The following NCOA6 variants were observed in gnomAD, a reference collection of about 807,000 sequenced individuals.
NCOA6 encodes nuclear receptor coactivator 6.
In NCOA6, 49 loss-of-function variants were observed where a neutral mutation model predicts 171.4. That is an observed-to-expected ratio of 0.29 (90% confidence interval 0.23 to 0.36). NCOA6 has a LOEUF of 0.36. NCOA6 is among the 10% of genes least tolerant of loss of function. NCOA6 has a pLI of 1.00. For synonymous variants in NCOA6, 910 were observed against 927.5 expected (o/e 0.98, Z 0.34); for missense variants, 2,248 against 2,554.5 (o/e 0.88, Z 2.59).
At chr20:34,762,786 C>T (rs1009967526) in intron 5 of NCOA6, among the ~76,000 whole-genome samples, 1 of 152,152 alleles carries the variant, frequency 6.6e-6, no homozygotes, top group Non-Finnish European at 1.5e-5. Flanking sequence ...TCCTGAAGTA[C>T]ATCCTTGAGC....
intron 13 of NCOA6, among the ~76,000 whole-genome samples, chr20:34,730,586 T>C (rs1036532909): frequency 6.6e-6 from 1 of 152,026 alleles, no homozygotes; most frequent in African/African-American, 2.4e-5. Flanking sequence ...ATTAGCCCAA[T>C]CCAAATAAAA....
rs77152835 is a variant in NCOA6, at chr20:34,743,688, T to C, written c.2915-347A>G. 5.4e-4 allele frequency among the ~76,000 whole-genome samples: 82 copies of C among 152,298 alleles called. 1 individual carries two copies. The East Asian group carries it at 0.015, about 28-fold the overall frequency. The stretch of plus-strand genomic sequence containing the variant: ...TTCAGATGAAATGAGAAAAACTCCA[T>C]CAACATCAAGTGCCTGGCCACCCAA... On this transcript the variant is annotated intron_variant, in intron 10 of 14. Coordinates refer to ENST00000359003, the MANE Select transcript of NCOA6 (RefSeq NM_014071.5).
At chr20:34,759,863 A>G (rs1270419086) in intron 5 of NCOA6, among the ~76,000 whole-genome samples, 2 of 152,140 alleles carry the variant, frequency 1.3e-5, no homozygotes, top group Non-Finnish European at 2.9e-5. Flanking sequence ...ATATTGGTAA[A>G]CTGCTCTCAA....
At chr20:34,728,851 A>G (rs984904314) in intron 13 of NCOA6, among the ~76,000 whole-genome samples, 2 of 152,248 alleles carry the variant, frequency 1.3e-5, no homozygotes, top group Non-Finnish European at 2.9e-5. Flanking sequence ...AAACTTACCA[A>G]CACAATGAAC....
chr20:34,819,161 T>A (rs1380949632), intron 1 of NCOA6: 1 of 152,170 alleles, frequency 6.6e-6, no homozygotes, highest in Admixed American at 6.5e-5. Flanking sequence ...TCCCAATATG[T>A]CATTTACTGG....
At chr20:34,739,555 A>G (rs2076065346) in intron 11 of NCOA6, among the ~76,000 whole-genome samples, 1 of 152,216 alleles carries the variant, frequency 6.6e-6, no homozygotes, top group East Asian at 1.9e-4. Flanking sequence ...GAATGGGGCT[A>G]TGAGGACCCA....
At chr20:34,796,812 C>T (rs1454022419) in intron 1 of NCOA6, among the ~76,000 whole-genome samples, 2 of 149,656 alleles carry the variant, frequency 1.3e-5, no homozygotes, top group Non-Finnish European at 3.0e-5. Flanking sequence ...AAGCTAGCAT[C>T]CCGTCTCAAA....
At chr20:34,809,933 A>T (rs1040816133) in intron 1 of NCOA6, among the ~76,000 whole-genome samples, 1 of 152,116 alleles carries the variant, frequency 6.6e-6, no homozygotes, top group Non-Finnish European at 1.5e-5. Flanking sequence ...GCACCACTGC[A>T]CTCCAGCCTG....
At chr20:34,747,622 T>C (rs925911390) in intron 9 of NCOA6, among the ~76,000 whole-genome samples, 5 of 152,222 alleles carry the variant, frequency 3.3e-5, no homozygotes, top group Admixed American at 6.5e-5. Context: ...TCAGTACTAA[T>C]TGTACTTTTC....
At chr20:34,807,498 A>C (rs1041724233) in intron 1 of NCOA6, among the ~76,000 whole-genome samples, 2 of 152,188 alleles carry the variant, frequency 1.3e-5, no homozygotes, top group African/African-American at 4.8e-5. Context: ...CCCTACATGG[A>C]AATCCTGCTG....
At chr20:34,783,573 C>T (rs2077573965) in intron 2 of NCOA6, among the ~76,000 whole-genome samples, 1 of 152,162 alleles carries the variant, frequency 6.6e-6, no homozygotes, top group Non-Finnish European at 1.5e-5. Context: ...AAGAACCTCC[C>T]ACAAATGTTC....
intron 5 of NCOA6, among the ~76,000 whole-genome samples, chr20:34,765,251 G>C (rs575827806): frequency 6.6e-6 from 1 of 151,552 alleles, no homozygotes; most frequent in African/African-American, 2.4e-5. Flanking sequence ...AGGAGATCGA[G>C]ACCATCCTGG....
chr20:34,812,202 G>A (rs1382549011), intron 1 of NCOA6, among the ~76,000 whole-genome samples: 1 of 151,708 alleles, frequency 6.6e-6, no homozygotes, highest in Admixed American at 6.6e-5. Context: ...GCAGTGAGCT[G>A]AGATTGCGCC....
At chr20:34,727,542 A>G in intron 13 of NCOA6, 135 bp from the exon 14 acceptor site, 3 of 911,032 alleles carry the variant, frequency 3.3e-6, no homozygotes, top group Non-Finnish European at 4.9e-6. Flanking sequence ...AAGCAGTTCA[A>G]CCTGGGGTAA....
At chr20:34,738,155 G>A (rs931579476) in intron 11 of NCOA6, among the ~76,000 whole-genome samples, 9 of 152,010 alleles carry the variant, frequency 5.9e-5, no homozygotes, top group Admixed American at 5.2e-4. Flanking sequence ...CACCAGCCTC[G>A]GCCTCTCAAC....
At chr20:34,733,335 A>G (rs1490494521) in intron 12 of NCOA6, among the ~76,000 whole-genome samples, 1 of 152,184 alleles carries the variant, frequency 6.6e-6, no homozygotes, top group Admixed American at 6.5e-5. Flanking sequence ...GGCCTCCCAC[A>G]GCCCTATTCC....
chr20:34,781,625 A>G lies in NCOA6; in HGVS notation c.235+496T>C, dbSNP rs186024125. ...GAAACTCAAACACTGAAAACAAACT[A>G]AATCTCAAACACTAACGTGGGCCAA... On this transcript the variant is annotated intron_variant, in intron 3 of 14. Coordinates refer to ENST00000359003, the MANE Select transcript of NCOA6 (RefSeq NM_014071.5). Among the ~76,000 whole-genome samples the G allele has an allele frequency of 3.5e-3, 530 of 152,330 alleles. 3 individuals are homozygous for G. The highest frequency in any genetic ancestry group is 4.8e-3 in the Non-Finnish European group (327 of 68,030).
At chr20:34,795,567 C>T (rs1392342409) in intron 1 of NCOA6, among the ~76,000 whole-genome samples, 1 of 152,194 alleles carries the variant, frequency 6.6e-6, no homozygotes, top group African/African-American at 2.4e-5. Context: ...TACAATAAAA[C>T]TGGTCTGGTC....
At chr20:34,759,047 G>C in intron 5 of NCOA6, 114 bp from the exon 6 acceptor site, 1 of 1,124,382 alleles carries the variant, frequency 8.9e-7, no homozygotes, top group Non-Finnish European at 1.2e-6. Flanking sequence ...TTTTTTGACA[G>C]GGTCTCGCTC....
Sources: gnomAD v4.1 joint callset for allele counts (sites outside exome capture counted in the v4.1 genomes callset) on GRCh38, gnomAD v4.1.1 for gene constraint, MANE v1.5 for transcripts, NCBI Gene and HGNC (gene_info 2026-07-23, HGNC 2026-07-21) for gene names.